Variants in RC3H1 observed in about 807,000 individuals in gnomAD.
The protein encoded by RC3H1 is ring finger and CCCH-type domains 1.
RC3H1 carries 50 observed loss-of-function variants against 138.2 expected under a neutral mutation model. That is an observed-to-expected ratio of 0.36 (90% CI 0.29 to 0.46). The LOEUF (loss-of-function observed/expected upper bound fraction) is 0.46. Ranked by LOEUF, RC3H1 falls within the 20% of genes least tolerant of loss-of-function variation. The probability of loss-of-function intolerance (pLI) is 1.00; values close to 1 mark genes in which losing one functional copy is unlikely to be tolerated. For missense variants in RC3H1, 1,031 were observed against 1,388.1 expected, an observed-to-expected ratio of 0.74 and a Z score of 4.09; for synonymous variants, 462 against 489.1, an observed-to-expected ratio of 0.94 and a Z score of 0.73.
rs1005975592 is a variant in RC3H1 at position 174,022,172 on chromosome 1, C to T, written c.-227G>A. 93 of 395,118 alleles carry T rather than the reference C, an allele frequency of 2.4e-4. 1 individual carries two copies. The highest frequency in any genetic ancestry group is 1.9e-3 in the Middle Eastern group (3 of 1,578). The allele number at this position is 395,118 out of a possible 1,614,324, so 24.5% of individuals were successfully genotyped here. The stretch of plus-strand genomic sequence containing the variant: ...GCCACCGCCGCGGCAGCCGCCGCCG[C>T]CGCCGAGGCCACCGTTGACTCTGAT... On this transcript the variant is annotated 5_prime_UTR_variant, in exon 1 of 20. Transcript: ENST00000367696. This position sits in a 1 kb window ranked among gnomAD's most constrained non-coding sequence, Gnocchi z 4.2.
intron 1 of RC3H1, among the ~76,000 whole-genome samples, chr1:173,999,996 G>A (rs1322394688): frequency 6.6e-6 from 1 of 152,210 alleles, no homozygotes; most frequent in Non-Finnish European, 1.5e-5. Context: ...AAAGTTTATA[G>A]TAATTATGGC....
intron 18 of RC3H1, among the ~76,000 whole-genome samples, chr1:173,943,001 CAA>C (rs554464365): frequency 2.0e-3 from 301 of 152,228 alleles, no homozygotes; most frequent in African/African-American, 7.1e-3. Context: ...ATACAGGAAA[CAA>C]TGTGCAGATT....
At chr1:174,006,008 C>T (rs1661646390) in intron 1 of RC3H1, among the ~76,000 whole-genome samples, 2 of 152,086 alleles carry the variant, frequency 1.3e-5, no homozygotes, top group Non-Finnish European at 2.9e-5. Flanking sequence ...GAGTTCAAGA[C>T]CAACCTGGCC....
intron 19 of RC3H1, among the ~76,000 whole-genome samples, chr1:173,940,118 G>A (rs1658781974): frequency 6.6e-6 from 1 of 152,162 alleles, no homozygotes; most frequent in South Asian, 2.1e-4. Context: ...TTAAAAACCA[G>A]GGAGATGGAG....
chr1:174,020,221 C>T (rs1370516446), intron 1 of RC3H1, among the ~76,000 whole-genome samples: 1 of 151,926 alleles, frequency 6.6e-6, no homozygotes, highest in Non-Finnish European at 1.5e-5. Context: ...CATCAGGAGC[C>T]ATAGAAAGTT....
At chr1:173,970,735 T>C (rs1660321709) in intron 8 of RC3H1, 118 bp from the exon 9 acceptor site, 3 of 601,518 alleles carry the variant, frequency 5.0e-6, no homozygotes, top group Admixed American at 7.0e-5. Context: ...TTTATTTAGA[T>C]TACCAAGAGC....
chr1:173,990,421 T>A (rs1661225002), intron 2 of RC3H1, among the ~76,000 whole-genome samples: 1 of 151,986 alleles, frequency 6.6e-6, no homozygotes, highest in Non-Finnish European at 1.5e-5. Context: ...TAATTTTTTT[T>A]ATGCTCTTGT....
In RC3H1 at chr1:174,000,712, G is replaced by T. The variant is rs139017652; in HGVS notation, c.-150-7577C>A. ...ATTTCCATAGCAACCAGCATGTAGG[G>T]CCACATCAGAGAAGAGAAAATGTTT... On this transcript the variant is annotated intron_variant, in intron 1 of 19. Transcript: ENST00000367696. 7.9e-3 allele frequency among the ~76,000 whole-genome samples: 1,195 copies of T among 152,200 alleles called. 14 individuals are homozygous for T. The highest frequency in any genetic ancestry group is 0.028 in the African/African-American group (1,145 of 41,488).
At chr1:173,939,504 C>T (rs1461711095) in intron 19 of RC3H1, among the ~76,000 whole-genome samples, 2 of 136,496 alleles carry the variant, frequency 1.5e-5, no homozygotes, top group Non-Finnish European at 3.0e-5. Flanking sequence ...ACACTCCAGC[C>T]TGGGTGACAG....
At chr1:173,952,186 A>C in intron 13 of RC3H1, 48 bp from the exon 14 acceptor site, 1 of 1,423,030 alleles carries the variant, frequency 7.0e-7, no homozygotes, top group Non-Finnish European at 9.4e-7. Context: ...AAGAGAAAGA[A>C]ACAAAACAGG....
At chr1:173,990,347 G>A (rs1343501155) in intron 2 of RC3H1, among the ~76,000 whole-genome samples, 25 of 151,810 alleles carry the variant, frequency 1.6e-4, no homozygotes, top group Admixed American at 1.6e-3. Context: ...CCAAACTATT[G>A]GGATTATAGG....
At chr1:173,946,047 T>C (rs1374804850) in intron 17 of RC3H1, among the ~76,000 whole-genome samples, 3 of 152,036 alleles carry the variant, frequency 2.0e-5, no homozygotes, top group East Asian at 3.9e-4. Flanking sequence ...TGTACATCTA[T>C]AACCCCAACC....
At position 173,960,107 on chromosome 1, in the gene RC3H1, CA is replaced by C. The variant is rs58330993; in HGVS notation, c.2370+969del. 3.0e-3 allele frequency among the ~76,000 whole-genome samples: 154 copies of C among 51,114 alleles called. 1 individual carries two copies. Among genetic ancestry groups the C allele is most frequent in the Middle Eastern group, 0.011 (1 of 88 alleles). The allele number at this position is 51,114 out of a possible 152,430, so 33.5% of individuals were successfully genotyped here. A position where few individuals can be genotyped will look rare whatever the true frequency, so the allele number is the denominator to read the frequency against. ...TGGGCAACAGAATGAGACTCCGACT[CA>C]AAAAAAAAAAAAAAAAAAAAAAGAT... On this transcript the variant is annotated intron_variant, in intron 13 of 19. Coordinates refer to ENST00000367696, the MANE Select transcript of RC3H1 (RefSeq NM_172071.4).
chr1:174,022,171 G>A lies in RC3H1; in HGVS notation c.-226C>T, dbSNP rs1022224668. ...CGCCACCGCCGCGGCAGCCGCCGCC[G>A]CCGCCGAGGCCACCGTTGACTCTGA... is the stretch of plus-strand genomic sequence containing the variant. On this transcript the variant is annotated 5_prime_UTR_variant, in exon 1 of 20. Coordinates refer to ENST00000367696, the MANE Select transcript of RC3H1 (RefSeq NM_172071.4). The surrounding 1 kb of genome is among the most constrained non-coding windows in gnomAD (Gnocchi z 4.2). 1 of 394,748 alleles carries A rather than the reference G, an allele frequency of 2.5e-6. No homozygotes were observed. Among genetic ancestry groups the A allele is most frequent in the Non-Finnish European group, 4.5e-6 (1 of 224,066 alleles). 24.5% of individuals were successfully genotyped at this position (394,748 alleles called of 1,614,324 possible).
intron 1 of RC3H1, among the ~76,000 whole-genome samples, chr1:174,005,345 C>A (rs1028637455): frequency 6.6e-6 from 1 of 152,156 alleles, no homozygotes; most frequent in East Asian, 1.9e-4. Flanking sequence ...TGCTGACTCA[C>A]AGAATTGTAA....
intron 7 of RC3H1, among the ~76,000 whole-genome samples, chr1:173,973,679 A>C (rs1660458646): frequency 6.6e-6 from 1 of 152,234 alleles, no homozygotes; most frequent in Non-Finnish European, 1.5e-5. Flanking sequence ...TATATTCTTT[A>C]AAAGAAATAT....
chr1:173,938,032 T>C lies in RC3H1; in HGVS notation c.*689A>G, dbSNP rs111351369. ...AAAATTGGTAATTCTATTTGAAAAG[T>C]TGAAAATAAAAACAAGAAATAAAAC... On this transcript the variant is annotated 3_prime_UTR_variant, in exon 20 of 20. Coordinates refer to ENST00000367696, the MANE Select transcript of RC3H1 (RefSeq NM_172071.4). The C allele has an allele frequency of 1.7e-4, 26 of 152,230 alleles. No individual in the cohort carries two copies. The highest frequency in any genetic ancestry group is 5.1e-4 in the African/African-American group (21 of 41,538). 9.4% of individuals were successfully genotyped at this position (152,230 alleles called of 1,614,324 possible). A position where few individuals can be genotyped will look rare whatever the true frequency, so the allele number is the denominator to read the frequency against.
At chr1:173,995,732 T>G (rs867571327) in intron 1 of RC3H1, among the ~76,000 whole-genome samples, 1 of 152,176 alleles carries the variant, frequency 6.6e-6, no homozygotes, top group South Asian at 2.1e-4. Flanking sequence ...TCCACTATGA[T>G]CTCCTTCAAG....
At chr1:173,953,581 C>T (rs931693156) in intron 13 of RC3H1, among the ~76,000 whole-genome samples, 1 of 151,960 alleles carries the variant, frequency 6.6e-6, no homozygotes, top group South Asian at 2.1e-4. Flanking sequence ...AAGAGTGCTC[C>T]TTTTTTAAAT....
Sources: allele counts gnomAD v4.1 joint callset (sites outside exome capture counted in the v4.1 genomes callset), GRCh38; gene constraint gnomAD v4.1.1; non-coding constraint Gnocchi (gnomAD v3.1); transcripts MANE v1.5; gene names NCBI Gene and HGNC (gene_info 2026-07-23, HGNC 2026-07-21).